ERCC8: variants seen among roughly 807,000 people sequenced by gnomAD.
ERCC8 encodes the protein ERCC excision repair 8, CSA ubiquitin ligase complex subunit, also known as DNA excision repair protein ERCC-8.
A neutral mutation model predicts 54.9 loss-of-function variants in ERCC8; 52 were observed. The ratio of observed to expected loss-of-function variants is 0.95; its 90% CI spans 0.76 to 1.19. The LOEUF (loss-of-function observed/expected upper bound fraction) is 1.19. ERCC8 is among the 50% of genes most tolerant of loss of function. The pLI is 0.00. For missense variants in ERCC8, 514 were observed against 466.1 expected (o/e 1.10, Z -0.95); for synonymous variants, 146 against 157.2 (o/e 0.93, Z 0.53).
chr5:60,892,387 G>T (rs774860429), intron 9 of ERCC8: 2 of 546,056 alleles, frequency 3.7e-6, no homozygotes, highest in African/African-American at 3.8e-5. Flanking sequence ...TGACTTGCTC[G>T]GTATCCTCGA....
chr5:60,893,478 G>A, intron 9 of ERCC8: 2 of 936,738 alleles, frequency 2.1e-6, no homozygotes, highest in Non-Finnish European at 3.5e-6. Flanking sequence ...GGAGCAGAGG[G>A]CACTTTGGAG....
intron 3 of ERCC8, among the ~76,000 whole-genome samples, chr5:60,921,631 AAT>A (rs1184647843): frequency 6.6e-6 from 1 of 151,884 alleles, no homozygotes; most frequent in African/African-American, 2.4e-5. Flanking sequence ...AGGGAATACC[AAT>A]ATGTTTAGTA....
chr5:60,929,558 G>A lies in ERCC8; in HGVS notation c.78-599C>T, dbSNP rs996375142. On this transcript the variant is annotated intron_variant, in intron 1 of 11. Transcript: ENST00000676185. ...GCCATAATCACTTCATTGCACTCCA[G>A]CCTGGGTGACAGAGTGAGATCCTGT... Among the ~76,000 whole-genome samples the A allele has an allele frequency of 2.0e-5, 3 of 152,174 alleles. No homozygotes were observed. In the East Asian group the frequency reaches 5.8e-4, roughly 29 times the overall value.
At chr5:60,889,007 T>C (rs1205953915) in intron 10 of ERCC8, among the ~76,000 whole-genome samples, 2 of 152,216 alleles carry the variant, frequency 1.3e-5, no homozygotes, top group African/African-American at 4.8e-5. Flanking sequence ...CTTCAGTCTC[T>C]TTGGCTTTTC....
Position 60,933,207 on chromosome 5 carries a change from CT to C in ERCC8, c.78-4249del, listed in dbSNP as rs796407596. ...TGTATATCTATGTATGCATTTTTTC[CT>C]TTTTTTTCTTTTTTTTTTTTTTTTT... On this transcript the variant is annotated intron_variant, in intron 1 of 11. Coordinates refer to ENST00000676185, the MANE Select transcript of ERCC8 (RefSeq NM_000082.4). 1.6e-3 allele frequency among the ~76,000 whole-genome samples: 194 copies of C among 119,716 alleles called. 1 individual carries two copies. Among genetic ancestry groups the C allele is most frequent in the African/African-American group, 5.2e-3 (174 of 33,402 alleles). 78.5% of individuals were successfully genotyped at this position (119,716 alleles called of 152,430 possible).
intron 9 of ERCC8, chr5:60,893,663 G>A: frequency 1.8e-6 from 1 of 543,104 alleles, no homozygotes; most frequent in East Asian, 3.3e-5. Context: ...GAGAGTAACA[G>A]ACGCTCTTGT....
At chr5:60,888,850 C>A (rs1185073515) in intron 10 of ERCC8, among the ~76,000 whole-genome samples, 1 of 152,140 alleles carries the variant, frequency 6.6e-6, no homozygotes, top group South Asian at 2.1e-4. Flanking sequence ...AAGTAACCAA[C>A]AAAATCATAT....
At chr5:60,909,410 G>A (rs895925789) in intron 4 of ERCC8, among the ~76,000 whole-genome samples, 1 of 151,840 alleles carries the variant, frequency 6.6e-6, no homozygotes, top group Non-Finnish European at 1.5e-5. Flanking sequence ...CAAAAATTAC[G>A]ATGTATTTCC....
rs527324266 is a variant in ERCC8 at position 60,872,826 on chromosome 5, G to A, written c.*1789C>T. Among the ~76,000 whole-genome samples the A allele has an allele frequency of 3.3e-5, 5 of 152,254 alleles. No individual in the cohort carries two copies. The South Asian group carries it at 8.3e-4, about 25-fold the overall frequency. Reference sequence around the variant, plus strand: ...CCTAATACTGGGCTTATATCCAAAGGATATGAAATCAGTATGTCAAAGAGA... The same window carrying A: ...CCTAATACTGGGCTTATATCCAAAGAATATGAAATCAGTATGTCAAAGAGA... On this transcript the variant is annotated 3_prime_UTR_variant, in exon 12 of 12. Coordinates refer to ENST00000676185, the MANE Select transcript of ERCC8 (RefSeq NM_000082.4).
chr5:60,938,240 T>C (rs993719317), intron 1 of ERCC8, among the ~76,000 whole-genome samples: 4 of 151,294 alleles, frequency 2.6e-5, no homozygotes, highest in South Asian at 4.2e-4. Context: ...TTCTGAAATG[T>C]AATTATGAAT....
chr5:60,881,445 C>T (rs1400128051), intron 11 of ERCC8, among the ~76,000 whole-genome samples: 3 of 152,172 alleles, frequency 2.0e-5, no homozygotes, highest in Non-Finnish European at 4.4e-5. Context: ...TTGGCTATGC[C>T]GTGCCCCCAG....
chr5:60,891,092 G>A lies in ERCC8; in HGVS notation c.844-6C>T. 1 of 1,570,002 alleles carries A rather than the reference G, an allele frequency of 6.4e-7. No individual in the cohort carries two copies. On this transcript the variant is annotated splice_region_variant and splice_polypyrimidine_tract_variant and intron_variant, in intron 9 of 11. Transcript: ENST00000676185. The stretch of plus-strand genomic sequence containing the variant: ...CAAACTTTTCCATAGTTCACCTGTA[G>A]GATTAAAATAATAAGGTTACTCATC...
chr5:60,929,006 T>G, intron 1 of ERCC8, 47 bp from the exon 2 acceptor site: 1 of 1,179,886 alleles, frequency 8.5e-7, no homozygotes, highest in Non-Finnish European at 1.3e-6. Flanking sequence ...AATTTAACAT[T>G]TAAAAATTTC....
intron 1 of ERCC8, among the ~76,000 whole-genome samples, chr5:60,938,596 C>T (rs1379890230): frequency 1.3e-5 from 2 of 152,124 alleles, no homozygotes; most frequent in Non-Finnish European, 2.9e-5. Flanking sequence ...TCAGGTGATC[C>T]ACCTGTCTCG....
In ERCC8 at chr5:60,867,758, G is replaced by A. The variant is rs746146345; in HGVS notation, c.*6857C>T. Reference sequence around the variant, plus strand: ...GAGAAGCAGCTCTCCTGCTCCTGGTGGTGTTTTTACAGAAGGTGTTGACAA... The same window carrying A: ...GAGAAGCAGCTCTCCTGCTCCTGGTAGTGTTTTTACAGAAGGTGTTGACAA... On this transcript the variant is annotated 3_prime_UTR_variant, in exon 12 of 12. Coordinates refer to ENST00000676185, the MANE Select transcript of ERCC8 (RefSeq NM_000082.4). 6.6e-6 allele frequency among the ~76,000 whole-genome samples: 1 copy of A among 152,126 alleles called. No homozygotes were observed. Among genetic ancestry groups the A allele is most frequent in the Non-Finnish European group, 1.5e-5 (1 of 68,004 alleles).
At chr5:60,914,928 C>A (rs1749386748) in intron 4 of ERCC8, among the ~76,000 whole-genome samples, 3 of 151,718 alleles carry the variant, frequency 2.0e-5, no homozygotes, top group Admixed American at 2.0e-4. Context: ...GTTAAAACAA[C>A]CTTTTTTGTC....
At chr5:60,928,800 A>G in intron 2 of ERCC8, 64 bp downstream of exon 2, 1 of 890,240 alleles carries the variant, frequency 1.1e-6, no homozygotes, top group Admixed American at 1.9e-5. Flanking sequence ...ATTAATTTGA[A>G]AAAGCAGGTT....
chr5:60,892,277 A>G, intron 9 of ERCC8: 1 of 555,326 alleles, frequency 1.8e-6, no homozygotes, highest in Non-Finnish European at 3.6e-6. Context: ...TATTTCCATC[A>G]TCGGAGAATG....
chr5:60,891,902 G>C (rs1162145605), intron 9 of ERCC8: 1 of 475,174 alleles, frequency 2.1e-6, no homozygotes, highest in African/African-American at 2.0e-5. Flanking sequence ...ACTGGTGCTT[G>C]GATCGGAAGG....
Sources: allele counts gnomAD v4.1 joint callset (sites outside exome capture counted in the v4.1 genomes callset), GRCh38; gene constraint gnomAD v4.1.1; transcripts MANE v1.5; gene names NCBI Gene and HGNC (gene_info 2026-07-23, HGNC 2026-07-21).